Variants in GNAI1 observed in about 807,000 individuals in gnomAD.
GNAI1 encodes the protein G protein subunit alpha i1, also known as guanine nucleotide-binding protein G(i) subunit alpha-1.
In GNAI1, 11 loss-of-function variants were observed where a neutral mutation model predicts 38.9. The ratio of observed to expected loss-of-function variants is 0.28; its 90% confidence interval spans 0.18 to 0.47. GNAI1 has a LOEUF of 0.47. Among genes scored for constraint, GNAI1 ranks in the 20% least tolerant of loss-of-function variants. The probability of loss-of-function intolerance (pLI) is 0.99; values close to 1 mark genes in which losing one functional copy is unlikely to be tolerated. For synonymous variants in GNAI1, 166 were observed against 145.1 expected (o/e 1.14, Z -1.04); for missense variants, 317 against 436.9 (o/e 0.73, Z 2.45).
At chr7:80,137,162 A>G (rs1157327645) in intron 1 of GNAI1, among the ~76,000 whole-genome samples, 1 of 151,734 alleles carries the variant, frequency 6.6e-6, no homozygotes, top group Non-Finnish European at 1.5e-5. Context: ...TAAGACTTAA[A>G]TATAACTGAA....
Position 80,217,534 on chromosome 7 carries a change from A to C in GNAI1, c.*41A>C. On this transcript the variant is annotated 3_prime_UTR_variant, in exon 8 of 8. Transcript: ENST00000649796. Reference sequence around the variant, plus strand: ...GTAAAATGCATTTTCAAACCAAATGAGTACTTATATATGGATCTCTGTAGA... The same window carrying C: ...GTAAAATGCATTTTCAAACCAAATGCGTACTTATATATGGATCTCTGTAGA... 8.5e-7 allele frequency: 1 copy of C among 1,172,498 alleles called. No individual in the cohort carries two copies. Among genetic ancestry groups the C allele is most frequent in the African/African-American group, 1.5e-5 (1 of 65,366 alleles). The allele number at this position is 1,172,498 out of a possible 1,614,324, so 72.6% of individuals were successfully genotyped here.
chr7:80,163,313 G>T (rs1000927595), intron 1 of GNAI1, among the ~76,000 whole-genome samples: 1 of 152,064 alleles, frequency 6.6e-6, no homozygotes, highest in African/African-American at 2.4e-5. Context: ...CCTTCTGTGG[G>T]TAGGTTCATA....
intron 3 of GNAI1, among the ~76,000 whole-genome samples, chr7:80,198,016 C>G (rs1562840312): frequency 6.6e-6 from 1 of 151,884 alleles, no homozygotes. Flanking sequence ...CTACATATCT[C>G]AAGTTAAGGA....
At chr7:80,190,010 TA>T (rs1788453995) in intron 3 of GNAI1, among the ~76,000 whole-genome samples, 1 of 152,098 alleles carries the variant, frequency 6.6e-6, no homozygotes, top group Non-Finnish European at 1.5e-5. Flanking sequence ...ATTATTGTAT[TA>T]TTTTTACTAG....
intron 1 of GNAI1, among the ~76,000 whole-genome samples, chr7:80,168,363 A>G (rs1788046238): frequency 6.6e-6 from 1 of 152,046 alleles, no homozygotes; most frequent in South Asian, 2.1e-4. Flanking sequence ...TATACATAAT[A>G]TTCACCATTT....
chr7:80,202,651 C>G (rs1283356490), intron 4 of GNAI1, among the ~76,000 whole-genome samples: 2 of 152,168 alleles, frequency 1.3e-5, no homozygotes, highest in East Asian at 3.9e-4. Context: ...TCTATGTATT[C>G]TAGTATAATT....
At chr7:80,197,233 C>T (rs1429566053) in intron 3 of GNAI1, among the ~76,000 whole-genome samples, 3 of 149,562 alleles carry the variant, frequency 2.0e-5, no homozygotes, top group African/African-American at 7.4e-5. Context: ...TGAAATAAGC[C>T]AGACACAGAA....
At chr7:80,182,306 C>T (rs1788309115) in intron 1 of GNAI1, among the ~76,000 whole-genome samples, 1 of 152,108 alleles carries the variant, frequency 6.6e-6, no homozygotes, top group African/African-American at 2.4e-5. Flanking sequence ...CTGCAGTGAA[C>T]ATATCTCATC....
At chr7:80,143,096 T>A (rs565015281) in intron 1 of GNAI1, among the ~76,000 whole-genome samples, 3 of 152,322 alleles carry the variant, frequency 2.0e-5, no homozygotes, top group African/African-American at 7.2e-5. Context: ...AGACTGTTCT[T>A]TATGTCTTGC....
At chr7:80,148,966 T>C (rs1787677720) in intron 1 of GNAI1, among the ~76,000 whole-genome samples, 1 of 152,120 alleles carries the variant, frequency 6.6e-6, no homozygotes, top group South Asian at 2.1e-4. Context: ...GTCTTAATTA[T>C]ATGCAGTATC....
At chr7:80,197,427 T>C (rs1325489418) in intron 3 of GNAI1, among the ~76,000 whole-genome samples, 2 of 151,966 alleles carry the variant, frequency 1.3e-5, no homozygotes, top group Non-Finnish European at 2.9e-5. Flanking sequence ...GGCATTAGTC[T>C]TTTTTTGTCA....
intron 4 of GNAI1, among the ~76,000 whole-genome samples, chr7:80,201,857 ATT>A (rs1431291580): frequency 6.6e-6 from 1 of 152,100 alleles, no homozygotes; most frequent in Non-Finnish European, 1.5e-5. Flanking sequence ...TCTTAGAAAC[ATT>A]TTTCTCCATA....
rs1326880516 is a variant in GNAI1, at chr7:80,155,102, CTGAAG to C, written c.118+19828_118+19832del. 2.6e-5 allele frequency among the ~76,000 whole-genome samples: 4 copies of C among 152,026 alleles called. No individual in the cohort carries two copies. The East Asian group carries it at 7.7e-4, about 29-fold the overall frequency. ...TTGTTTGTTATAAATGTATTTCTAA[CTGAAG>C]TGATTTTTCAAGATTACTGACTCAA... On this transcript the variant is annotated intron_variant, in intron 1 of 7. Transcript: ENST00000649796.
intron 1 of GNAI1, among the ~76,000 whole-genome samples, chr7:80,159,981 CCTCT>C (rs1787892481): frequency 6.6e-6 from 1 of 152,112 alleles, no homozygotes; most frequent in Non-Finnish European, 1.5e-5. Flanking sequence ...GTAACGTTGA[CCTCT>C]CTGAGTTGGT....
In GNAI1 at chr7:80,217,764, A is replaced by G. The variant is rs1482919420; in HGVS notation, c.*271A>G. 2 of 231,666 alleles carry G rather than the reference A, an allele frequency of 8.6e-6. No individual in the cohort carries two copies. Among genetic ancestry groups the G allele is most frequent in the Non-Finnish European group, 1.7e-5 (2 of 119,930 alleles). The allele number at this position is 231,666 out of a possible 1,614,324, so 14.4% of individuals were successfully genotyped here. On this transcript the variant is annotated 3_prime_UTR_variant, in exon 8 of 8. Transcript: ENST00000649796. The stretch of plus-strand genomic sequence containing the variant: ...GATTTCTGCATAAGTGTAAATATGC[A>G]AATGTATGTATACATGTATTTATGA...
chr7:80,185,580 T>A (rs908208060), intron 1 of GNAI1, among the ~76,000 whole-genome samples: 2 of 152,016 alleles, frequency 1.3e-5, no homozygotes, highest in Admixed American at 6.6e-5. Flanking sequence ...AGCCCCAAAC[T>A]CCTCAGGCAG....
intron 1 of GNAI1, among the ~76,000 whole-genome samples, chr7:80,176,602 C>T (rs1788185623): frequency 6.6e-6 from 1 of 152,120 alleles, no homozygotes; most frequent in Non-Finnish European, 1.5e-5. Flanking sequence ...GAAGTCAGTG[C>T]TCATTTAGCA....
intron 1 of GNAI1, among the ~76,000 whole-genome samples, chr7:80,171,717 C>T (rs1230992813): frequency 6.6e-6 from 1 of 152,120 alleles, no homozygotes; most frequent in Non-Finnish European, 1.5e-5. Flanking sequence ...TTCTGTATAA[C>T]TTCTGTTTTT....
chr7:80,184,740 A>G (rs931231026), intron 1 of GNAI1, among the ~76,000 whole-genome samples: 1 of 152,154 alleles, frequency 6.6e-6, no homozygotes, highest in African/African-American at 2.4e-5. Context: ...GTCACCTGAC[A>G]TTCCTGGTCA....
Sources: allele counts gnomAD v4.1 joint callset (sites outside exome capture counted in the v4.1 genomes callset), GRCh38; gene constraint gnomAD v4.1.1; transcripts MANE v1.5; gene names NCBI Gene and HGNC (gene_info 2026-07-23, HGNC 2026-07-21).